UBR3: variants seen among roughly 807,000 people sequenced by gnomAD.
The protein encoded by UBR3 is E3 ubiquitin-protein ligase UBR3.
Under a neutral mutation model 243.2 loss-of-function variants are expected in UBR3, and 85 were observed. The observed-to-expected ratio is 0.35, with a 90% CI of 0.29 to 0.42. UBR3 has a LOEUF of 0.42. Ranked by LOEUF, UBR3 falls within the 10% of genes least tolerant of loss-of-function variation. The probability of loss-of-function intolerance (pLI) is 1.00; values close to 1 mark genes in which losing one functional copy is unlikely to be tolerated. For missense variants in UBR3, 1,686 were observed against 2,300.8 expected (o/e 0.73, Z 5.47); for synonymous variants, 748 against 799.8 (o/e 0.94, Z 1.09).
intron 10 of UBR3, among the ~76,000 whole-genome samples, chr2:169,906,547 GTATAT>G (rs1303179901): frequency 2.0e-5 from 3 of 151,636 alleles, no homozygotes; most frequent in African/African-American, 7.3e-5. Context: ...GTTATATAAT[GTATAT>G]TATAATATAT....
intron 32 of UBR3, among the ~76,000 whole-genome samples, chr2:170,051,532 G>C (rs1455028294): frequency 6.6e-6 from 1 of 152,094 alleles, no homozygotes; most frequent in Non-Finnish European, 1.5e-5. Flanking sequence ...TTTTAGTTGA[G>C]ACGAGGTTTC....
intron 23 of UBR3, among the ~76,000 whole-genome samples, chr2:169,955,151 A>G (rs1004308329): frequency 2.6e-5 from 4 of 152,114 alleles, no homozygotes; most frequent in Admixed American, 6.5e-5. Flanking sequence ...TATGATTTCA[A>G]TTTGTTTCAT....
At position 169,827,951 on chromosome 2, in the gene UBR3, C is replaced by T; in HGVS notation, c.444C>T (p.Cys148=). Residue 148 remains cysteine, a synonymous_variant, in exon 1 of 39, where the codon TGC becomes TGT. Transcript: ENST00000272793. ...CCTGCATGTCGCTGTGCGCCGAGTG[C>T]TTCCACCAGGGCGACCACACCGGAC... The part of the protein sequence containing the change: ...ISPCMSLCAE[C]FHQGDHTGHD... 3 of 1,477,920 alleles carry T rather than the reference C, an allele frequency of 2.0e-6. No individual in the cohort carries two copies. Among genetic ancestry groups the T allele is most frequent in the Non-Finnish European group, 2.7e-6 (3 of 1,113,038 alleles). The allele number at this position is 1,477,920 out of a possible 1,614,324, so 91.6% of individuals were successfully genotyped here.
chr2:169,994,369 C>T lies in UBR3; in HGVS notation c.3831C>T (p.Ile1277=), dbSNP rs2089405407. The part of the protein sequence containing the change: ...RDNVEPKKLP[I]SEEEQIYPWD... ...ATGTTGAGCCAAAAAAGTTGCCGAT[C>T]AGTGAAGAGGAGCAGATTTACCCTT... Residue 1277 remains isoleucine, a synonymous_variant, in exon 26 of 39, where the codon ATC becomes ATT. Coordinates refer to ENST00000272793, the MANE Select transcript of UBR3 (RefSeq NM_172070.4). The T allele has an allele frequency of 6.2e-7, 1 of 1,613,948 alleles. No homozygotes were observed. The highest frequency in any genetic ancestry group is 1.7e-5 in the Admixed American group (1 of 59,992).
chr2:170,031,948 G>A (rs138686996), intron 31 of UBR3, among the ~76,000 whole-genome samples: 7 of 152,088 alleles, frequency 4.6e-5, no homozygotes, highest in South Asian at 2.1e-4. Flanking sequence ...GGTTTATTCC[G>A]TGTCTTTGCT....
At chr2:169,863,744 G>A (rs893677967) in intron 1 of UBR3, among the ~76,000 whole-genome samples, 5 of 152,116 alleles carry the variant, frequency 3.3e-5, no homozygotes, top group African/African-American at 4.8e-5. Context: ...TGACTTACTG[G>A]TTCTACCTGT....
chr2:170,061,945 T>C (rs2091466307), intron 35 of UBR3, among the ~76,000 whole-genome samples: 1 of 152,216 alleles, frequency 6.6e-6, no homozygotes, highest in Non-Finnish European at 1.5e-5. Context: ...ATTACTAATA[T>C]TGGATATTTG....
rs189064919 is a variant in UBR3 at position 169,909,474 on chromosome 2, A to G, written c.1779+3310A>G. Among the ~76,000 whole-genome samples the G allele has an allele frequency of 1.5e-4, 23 of 152,214 alleles. No homozygotes were observed. The East Asian group carries it at 4.2e-3, about 28-fold the overall frequency. On this transcript the variant is annotated intron_variant, in intron 10 of 38. Coordinates refer to ENST00000272793, the MANE Select transcript of UBR3 (RefSeq NM_172070.4). ...TTGAGCTTATAGAAGTAGAGAGTAG[A>G]ATGTTGGTTTCCAGAAGCTGGGGCT... is the stretch of plus-strand genomic sequence containing the variant.
intron 32 of UBR3, among the ~76,000 whole-genome samples, chr2:170,042,566 G>A (rs1475315438): frequency 6.6e-6 from 1 of 151,598 alleles, no homozygotes; most frequent in Non-Finnish European, 1.5e-5. Context: ...GCATGCACCT[G>A]TAACCCCAGC....
rs1427691063 is a variant in UBR3 at position 170,070,003 on chromosome 2, T to TA, written c.5020-3418dup. Among the ~76,000 whole-genome samples, 10 of 152,240 alleles carry TA rather than the reference T, an allele frequency of 6.6e-5. No individual in the cohort carries two copies. In the South Asian group the frequency reaches 1.7e-3, roughly 25 times the overall value. On this transcript the variant is annotated intron_variant, in intron 35 of 38. Transcript: ENST00000272793. ...TTATTTGTATTTTATTGTTATTTTT[T>TA]AAAAAAATATTTTTGATGTATGGCT...
chr2:169,862,231 C>A (rs781666814), intron 1 of UBR3, among the ~76,000 whole-genome samples: 4 of 151,452 alleles, frequency 2.6e-5, no homozygotes, highest in South Asian at 4.2e-4. Context: ...TTTTCTGGTA[C>A]CTTAGGGCCC....
At position 169,900,955 on chromosome 2, in the gene UBR3, G is replaced by A. The variant is rs548116367; in HGVS notation, c.1466-4159G>A. Among the ~76,000 whole-genome samples the A allele has an allele frequency of 3.2e-4, 48 of 152,188 alleles. No homozygotes were observed. In the South Asian group the frequency reaches 6.4e-3, roughly 20 times the overall value. ...TACAATTTCTTTTACACTCAAAAGCGTCCCAGTTTATATGATAAATTATGT... is the reference window on the plus strand; with the variant it reads ...TACAATTTCTTTTACACTCAAAAGCATCCCAGTTTATATGATAAATTATGT... On this transcript the variant is annotated intron_variant, in intron 8 of 38. Coordinates refer to ENST00000272793, the MANE Select transcript of UBR3 (RefSeq NM_172070.4).
intron 1 of UBR3, among the ~76,000 whole-genome samples, chr2:169,829,272 G>A (rs2081848291): frequency 6.6e-6 from 1 of 152,162 alleles, no homozygotes; most frequent in African/African-American, 2.4e-5. Flanking sequence ...TTGCACTGGA[G>A]TAGAAAGTAA....
intron 30 of UBR3, among the ~76,000 whole-genome samples, chr2:170,018,507 A>C (rs1461538559): frequency 6.6e-6 from 1 of 152,174 alleles, no homozygotes; most frequent in Non-Finnish European, 1.5e-5. Context: ...TACTGGTTCT[A>C]GAGACTGGTT....
intron 19 of UBR3, 59 bp downstream of exon 19, chr2:169,933,067 T>G (rs2086197760): frequency 8.1e-7 from 1 of 1,231,492 alleles, no homozygotes; most frequent in African/African-American, 1.6e-5. Flanking sequence ...TGGAAAAATT[T>G]CAGTGATAAC....
At chr2:169,974,112 A>C (rs1315229144) in intron 24 of UBR3, among the ~76,000 whole-genome samples, 2 of 152,148 alleles carry the variant, frequency 1.3e-5, no homozygotes, top group East Asian at 3.9e-4. Context: ...ATCTGTGTTC[A>C]TCAGGGATAT....
At chr2:169,831,123 ATATATT>A (rs2081921540) in intron 1 of UBR3, among the ~76,000 whole-genome samples, 1 of 56,542 alleles carries the variant, frequency 1.8e-5, no homozygotes, top group South Asian at 1.1e-3. Flanking sequence ...ATATATATAT[ATATATT>A]TTTTTTTTTT....
intron 24 of UBR3, among the ~76,000 whole-genome samples, chr2:169,982,919 A>T (rs1056301134): frequency 6.6e-6 from 1 of 152,160 alleles, no homozygotes; most frequent in African/African-American, 2.4e-5. Flanking sequence ...TGATCTCATC[A>T]CCCACAGACC....
chr2:169,925,514 C>A, intron 13 of UBR3, 105 bp from the exon 14 acceptor site: 3 of 1,041,412 alleles, frequency 2.9e-6, no homozygotes, highest in Non-Finnish European at 2.7e-6. Flanking sequence ...GAATATCGGG[C>A]TTATACTATG....
Sources: gnomAD v4.1 joint callset for allele counts (sites outside exome capture counted in the v4.1 genomes callset) on GRCh38, gnomAD v4.1.1 for gene constraint, MANE v1.5 for transcripts, NCBI Gene and HGNC (gene_info 2026-07-23, HGNC 2026-07-21) for gene names.